The following DNMT3A variants were observed in gnomAD, a reference collection of about 807,000 sequenced individuals.
DNMT3A encodes DNA methyltransferase 3 alpha, also known as DNA (cytosine-5)-methyltransferase 3A.
In DNMT3A, 267 loss-of-function variants were observed where a neutral mutation model predicts 117.6. The ratio of observed to expected loss-of-function variants is 2.27; its 90% CI spans 2.05 to 2.51. The LOEUF is 2.51. Ranked by LOEUF, DNMT3A falls within the 30% of genes most tolerant of loss-of-function variation. The pLI is 0.00. For synonymous variants in DNMT3A, 432 were observed against 474.8 expected, an observed-to-expected ratio of 0.91 and a Z score of 1.17; for missense variants, 1,029 against 1,260.2, an observed-to-expected ratio of 0.82 and a Z score of 2.78.
At chr2:25,322,325 A>G (rs2034626623) in intron 1 of DNMT3A, among the ~76,000 whole-genome samples, 1 of 152,014 alleles carries the variant, frequency 6.6e-6, no homozygotes, top group South Asian at 2.1e-4. Context: ...TATAAATAAG[A>G]GTGTAGCTGA....
In DNMT3A at chr2:25,237,706, A is replaced by T. The variant is rs1375331185; in HGVS notation, c.2409-701T>A. Among the ~76,000 whole-genome samples, 1 of 151,780 alleles carries T rather than the reference A, an allele frequency of 6.6e-6. No homozygotes were observed. On this transcript the variant is annotated intron_variant, in intron 20 of 22. Transcript: ENST00000321117. This position sits in a 1 kb window ranked among gnomAD's most constrained non-coding sequence, Gnocchi z 5.4. ...CTTGAACCTGGGAGGCGGAGGCTGCAGTGAGCCAGGATGGCACCACTGCAC... is the reference window on the plus strand; with the variant it reads ...CTTGAACCTGGGAGGCGGAGGCTGCTGTGAGCCAGGATGGCACCACTGCAC...
At chr2:25,309,121 C>T (rs1284654171) in intron 2 of DNMT3A, among the ~76,000 whole-genome samples, 2 of 152,224 alleles carry the variant, frequency 1.3e-5, no homozygotes, top group East Asian at 3.9e-4. Flanking sequence ...CAGGCCTCAC[C>T]CACCCCTGGG....
At chr2:25,243,598 C>A (rs974960796) in intron 16 of DNMT3A, among the ~76,000 whole-genome samples, 1 of 152,212 alleles carries the variant, frequency 6.6e-6, no homozygotes, top group African/African-American at 2.4e-5. Context: ...TCCTTTGAGG[C>A]TCTGTGAAAT....
At chr2:25,246,497 G>C (rs543472986) in intron 10 of DNMT3A, 123 bp downstream of exon 10, 1 of 1,465,632 alleles carries the variant, frequency 6.8e-7, no homozygotes, top group South Asian at 1.4e-5. Flanking sequence ...GAGAGACCCC[G>C]GCTGTTCCCA....
At chr2:25,318,196 G>A (rs1371186511) in intron 1 of DNMT3A, among the ~76,000 whole-genome samples, 1 of 152,174 alleles carries the variant, frequency 6.6e-6, no homozygotes, top group Non-Finnish European at 1.5e-5. Flanking sequence ...CCAAAATGGG[G>A]TCAAAATGAC....
At chr2:25,261,003 A>C (rs998557447) in intron 6 of DNMT3A, among the ~76,000 whole-genome samples, 1 of 151,920 alleles carries the variant, frequency 6.6e-6, no homozygotes, top group African/African-American at 2.4e-5. Flanking sequence ...TGTCTCAAAA[A>C]TTAACGTAGG....
At chr2:25,268,992 C>A (rs965068807) in intron 6 of DNMT3A, among the ~76,000 whole-genome samples, 1 of 152,198 alleles carries the variant, frequency 6.6e-6, no homozygotes, top group Non-Finnish European at 1.5e-5. Flanking sequence ...GTGAAAAATA[C>A]CCTGATGAAA....
intron 4 of DNMT3A, among the ~76,000 whole-genome samples, chr2:25,275,751 A>AGAACTC (rs1457203409): frequency 6.6e-6 from 1 of 152,210 alleles, no homozygotes; most frequent in Non-Finnish European, 1.5e-5. Flanking sequence ...GGGCAGAGAA[A>AGAACTC]GAACTCGGGC....
At chr2:25,317,476 C>A (rs148450632) in intron 1 of DNMT3A, among the ~76,000 whole-genome samples, 1 of 152,200 alleles carries the variant, frequency 6.6e-6, no homozygotes, top group African/African-American at 2.4e-5. Context: ...TTCAGACAGG[C>A]GTGTGAACGC....
At chr2:25,310,391 C>T (rs368978292) in intron 2 of DNMT3A, among the ~76,000 whole-genome samples, 30 of 150,136 alleles carry the variant, frequency 2.0e-4, no homozygotes, top group African/African-American at 5.1e-4. Flanking sequence ...CCAGCTGACT[C>T]GCCCTGACCA....
Position 25,327,515 on chromosome 2 carries a change from C to T in DNMT3A, c.-177-13354G>A, listed in dbSNP as rs867911784. ...TGTGTGTTCTCTCCCAGCCATGACT[C>T]CATCTGGCTCCTTGCTTCTGGGTCT... On this transcript the variant is annotated intron_variant, in intron 1 of 22. Coordinates refer to ENST00000321117, the MANE Select transcript of DNMT3A (RefSeq NM_022552.5). The surrounding 1 kb of genome is among the most constrained non-coding windows in gnomAD (Gnocchi z 4.1). Among the ~76,000 whole-genome samples, 1 of 152,164 alleles carries T rather than the reference C, an allele frequency of 6.6e-6. No individual in the cohort carries two copies. The highest frequency in any genetic ancestry group is 2.1e-4 in the South Asian group (1 of 4,828).
chr2:25,328,708 AC>A, intron 1 of DNMT3A: 4 of 512,360 alleles, frequency 7.8e-6, no homozygotes, highest in Admixed American at 2.1e-5. Context: ...GCCTAGAGCG[AC>A]CCCCCACAAT....
rs1224222467 is a variant in DNMT3A, at chr2:25,257,222, G to A, written c.640-8970C>T. On this transcript the variant is annotated intron_variant, in intron 6 of 22. Coordinates refer to ENST00000321117, the MANE Select transcript of DNMT3A (RefSeq NM_022552.5). The surrounding 1 kb of genome is among the most constrained non-coding windows in gnomAD (Gnocchi z 4.8). ...TTGCTAAGGAGACCAGTCGCAGAGA[G>A]AGCAACTAAGCAGGGGGAAGGTGTC... Among the ~76,000 whole-genome samples the A allele has an allele frequency of 1.3e-5, 2 of 152,222 alleles. No homozygotes were observed. Among genetic ancestry groups the A allele is most frequent in the African/African-American group, 4.8e-5 (2 of 41,458 alleles).
At position 25,285,671 on chromosome 2, in the gene DNMT3A, C is replaced by T. The variant is rs145148166; in HGVS notation, c.178-2960G>A. On this transcript the variant is annotated intron_variant, in intron 3 of 22. Coordinates refer to ENST00000321117, the MANE Select transcript of DNMT3A (RefSeq NM_022552.5). ...CCAGCAGAGCCAGGAAGGCCAAATCCGGGAAGGAAAGTGGAACGGCAGACC... is the reference window on the plus strand; with the variant it reads ...CCAGCAGAGCCAGGAAGGCCAAATCTGGGAAGGAAAGTGGAACGGCAGACC... Among the ~76,000 whole-genome samples, 1,371 of 152,348 alleles carry T rather than the reference C, an allele frequency of 9.0e-3. 20 individuals are homozygous for T. The highest frequency in any genetic ancestry group is 0.011 in the Non-Finnish European group (725 of 68,020).
chr2:25,323,084 C>T (rs1558741796), intron 1 of DNMT3A, among the ~76,000 whole-genome samples: 1 of 152,088 alleles, frequency 6.6e-6, no homozygotes, highest in East Asian at 1.9e-4. Flanking sequence ...GTGCTGACCT[C>T]AACCCTCACC....
At position 25,249,589 on chromosome 2, in the gene DNMT3A, C is replaced by T. The variant is rs1336981228; in HGVS notation, c.640-1337G>A. The T allele has an allele frequency of 3.2e-6, 5 of 1,578,972 alleles. No individual in the cohort carries two copies. The East Asian group carries it at 1.1e-4, about 35-fold the overall frequency. Reference sequence around the variant, plus strand: ...ACTATAGACCAGGCGTGCTCTCTGCCATCCCACCAACAAATTAATAAGCCA... The same window carrying T: ...ACTATAGACCAGGCGTGCTCTCTGCTATCCCACCAACAAATTAATAAGCCA... On this transcript the variant is annotated intron_variant, in intron 6 of 22. Coordinates refer to ENST00000321117, the MANE Select transcript of DNMT3A (RefSeq NM_022552.5).
chr2:25,249,634 T>C (rs762401766), intron 6 of DNMT3A: 9 of 1,614,076 alleles, frequency 5.6e-6, no homozygotes, highest in Non-Finnish European at 6.8e-6. Context: ...TATTCTCCCA[T>C]TGCACAGCCT....
At position 25,244,621 on chromosome 2, in the gene DNMT3A, T is replaced by A. The variant is rs781611989; in HGVS notation, c.1586A>T (p.Asp529Val). 2 of 1,613,986 alleles carry A rather than the reference T, an allele frequency of 1.2e-6. No homozygotes were observed. Among genetic ancestry groups the A allele is most frequent in the Non-Finnish European group, 8.5e-7 (1 of 1,180,002 alleles). ...GCAGTAGGACTGGTAGCCGTCGTCG[T>A]CGTACTGGTACGCACACTCCAGAAA... ...NCFLECAYQY[D>V]DDGYQSYCTI... Residue 529 changes from aspartate to valine, a missense_variant, in exon 14 of 23, where the codon GAC becomes GTC. Coordinates refer to ENST00000321117, the MANE Select transcript of DNMT3A (RefSeq NM_022552.5).
At chr2:25,269,384 T>C (rs948903879) in intron 6 of DNMT3A, among the ~76,000 whole-genome samples, 4 of 152,124 alleles carry the variant, frequency 2.6e-5, no homozygotes, top group African/African-American at 9.7e-5. Flanking sequence ...GAAGAGGTCA[T>C]TGTGGACTGG....
Sources: allele counts gnomAD v4.1 joint callset (sites outside exome capture counted in the v4.1 genomes callset), GRCh38; gene constraint gnomAD v4.1.1; non-coding constraint Gnocchi (gnomAD v3.1); transcripts MANE v1.5; gene names NCBI Gene and HGNC (gene_info 2026-07-23, HGNC 2026-07-21).